The following KCNMA1 variants were observed in gnomAD, a reference collection of about 807,000 sequenced individuals.
KCNMA1 encodes the protein potassium calcium-activated channel subfamily M alpha 1.
A neutral mutation model predicts 140.0 loss-of-function variants in KCNMA1; 29 were observed. The ratio of observed to expected loss-of-function variants is 0.21; its 90% CI spans 0.15 to 0.28. The LOEUF (loss-of-function observed/expected upper bound fraction) is 0.28. KCNMA1 is among the 10% of genes least tolerant of loss of function. The probability of loss-of-function intolerance (pLI) is 1.00; values close to 1 mark genes in which losing one functional copy is unlikely to be tolerated. For synonymous variants in KCNMA1, 612 were observed against 611.9 expected (o/e 1.00, Z 0.00); for missense variants, 880 against 1,602.2 (o/e 0.55, Z 7.70).
At chr10:77,632,814 T>C (rs906584303) in intron 1 of KCNMA1, among the ~76,000 whole-genome samples, 3 of 152,256 alleles carry the variant, frequency 2.0e-5, no homozygotes, top group African/African-American at 7.2e-5. Context: ...GCTAAGTGTC[T>C]GGCATTTGCA....
At chr10:77,060,983 A>G (rs2095788873) in intron 14 of KCNMA1, among the ~76,000 whole-genome samples, 1 of 152,146 alleles carries the variant, frequency 6.6e-6, no homozygotes, top group Non-Finnish European at 1.5e-5. Flanking sequence ...ACTGAAACTC[A>G]GTTTCCAAGT....
At chr10:77,268,315 C>G (rs538932703) in intron 2 of KCNMA1, among the ~76,000 whole-genome samples, 35 of 152,308 alleles carry the variant, frequency 2.3e-4, no homozygotes, top group African/African-American at 8.4e-4. Flanking sequence ...TGCCTACACA[C>G]AGGCACACAC....
At chr10:77,567,586 G>A (rs182401526) in intron 1 of KCNMA1, among the ~76,000 whole-genome samples, 1 of 152,166 alleles carries the variant, frequency 6.6e-6, no homozygotes, top group Admixed American at 6.5e-5. Context: ...GAAAGTAAAG[G>A]CTAAAGGGAA....
chr10:77,040,661 C>T (rs899417509), intron 14 of KCNMA1, among the ~76,000 whole-genome samples: 9 of 151,906 alleles, frequency 5.9e-5, no homozygotes, highest in Non-Finnish European at 1.0e-4. Flanking sequence ...TACTTTTTTT[C>T]CTCTATAGAT....
At chr10:77,409,595 T>G (rs2096573164) in intron 1 of KCNMA1, among the ~76,000 whole-genome samples, 1 of 152,134 alleles carries the variant, frequency 6.6e-6, no homozygotes, top group South Asian at 2.1e-4. Context: ...GGTTCAGGTG[T>G]GAGGGTCACG....
At chr10:76,909,643 G>C (rs961800824) in intron 25 of KCNMA1, among the ~76,000 whole-genome samples, 1 of 152,014 alleles carries the variant, frequency 6.6e-6, no homozygotes, top group Non-Finnish European at 1.5e-5. Flanking sequence ...CTTCCCCCAA[G>C]ATCTCCCCTC....
chr10:77,283,833 A>G (rs1228136911), intron 2 of KCNMA1, among the ~76,000 whole-genome samples: 1 of 152,242 alleles, frequency 6.6e-6, no homozygotes, highest in Non-Finnish European at 1.5e-5. Flanking sequence ...ATGTGAACCC[A>G]AAATGAAATA....
intron 3 of KCNMA1, among the ~76,000 whole-genome samples, chr10:77,236,265 C>G (rs1260193286): frequency 6.6e-6 from 1 of 152,206 alleles, no homozygotes; most frequent in Non-Finnish European, 1.5e-5. Flanking sequence ...TTGGATCTTT[C>G]CCAGACTCTG....
intron 1 of KCNMA1, among the ~76,000 whole-genome samples, chr10:77,431,719 C>T (rs949647507): frequency 6.3e-5 from 9 of 142,486 alleles, no homozygotes; most frequent in South Asian, 2.2e-4. Flanking sequence ...AAAAAAAGGC[C>T]GGGAGCGGTG....
chr10:77,135,200 C>A (rs1287935394), intron 5 of KCNMA1, among the ~76,000 whole-genome samples: 1 of 151,764 alleles, frequency 6.6e-6, no homozygotes, highest in Non-Finnish European at 1.5e-5. Flanking sequence ...ATAGACATTT[C>A]GCAAAAGAAG....
chr10:76,977,635 C>T, intron 19 of KCNMA1: 1 of 702,906 alleles, frequency 1.4e-6, no homozygotes, highest in Non-Finnish European at 2.6e-6. Flanking sequence ...ATGTTCTTCC[C>T]AACCTGCCAA....
intron 20 of KCNMA1, among the ~76,000 whole-genome samples, chr10:76,965,384 T>C (rs536833634): frequency 6.6e-6 from 1 of 152,310 alleles, no homozygotes; most frequent in East Asian, 1.9e-4. Flanking sequence ...TGAGTGGGCC[T>C]TCTATTTCAC....
chr10:77,126,934 A>T (rs1224704911), intron 5 of KCNMA1, among the ~76,000 whole-genome samples: 1 of 152,048 alleles, frequency 6.6e-6, no homozygotes, highest in Non-Finnish European at 1.5e-5. Context: ...CGAGCATTCT[A>T]AGAGTCCATG....
intron 3 of KCNMA1, among the ~76,000 whole-genome samples, chr10:77,242,854 G>C (rs1243719086): frequency 6.7e-6 from 1 of 149,104 alleles, no homozygotes; most frequent in Non-Finnish European, 1.5e-5. Context: ...ATTCCCCCAT[G>C]CTCTTCTTCT....
chr10:76,878,566 A>G (rs1350035832), intron 29 of KCNMA1, among the ~76,000 whole-genome samples: 1 of 152,108 alleles, frequency 6.6e-6, no homozygotes, highest in Non-Finnish European at 1.5e-5. Context: ...TTCAAGAAAG[A>G]AAACTCTGTG....
chr10:76,907,225 C>A (rs534928065), intron 25 of KCNMA1, among the ~76,000 whole-genome samples: 1 of 152,158 alleles, frequency 6.6e-6, no homozygotes, highest in Non-Finnish European at 1.5e-5. Context: ...CACACTATCC[C>A]AAACATTTTT....
At chr10:77,079,805 A>C in intron 12 of KCNMA1, 2 of 547,598 alleles carry the variant, frequency 3.7e-6, no homozygotes, top group South Asian at 2.0e-5. Flanking sequence ...AACACCCAGG[A>C]GGTTCCCTAT....
At chr10:77,300,327 T>C (rs2076240071) in intron 2 of KCNMA1, among the ~76,000 whole-genome samples, 1 of 152,202 alleles carries the variant, frequency 6.6e-6, no homozygotes. Flanking sequence ...TGACCAGCTC[T>C]GGACTACCTG....
At chr10:77,626,259 T>G (rs1188366206) in intron 1 of KCNMA1, among the ~76,000 whole-genome samples, 4 of 151,964 alleles carry the variant, frequency 2.6e-5, no homozygotes, top group Non-Finnish European at 5.9e-5. Flanking sequence ...AGCCCTCTTG[T>G]GGGCTCAGCT....
Sources: gnomAD v4.1 joint callset for allele counts (sites outside exome capture counted in the v4.1 genomes callset) on GRCh38, gnomAD v4.1.1 for gene constraint, MANE v1.5 for transcripts, NCBI Gene and HGNC (gene_info 2026-07-23, HGNC 2026-07-21) for gene names.